TRMT10A: variants seen among roughly 807,000 people sequenced by gnomAD.
TRMT10A encodes tRNA methyltransferase 10 homolog A.
Under a neutral mutation model 40.4 loss-of-function variants are expected in TRMT10A, and 37 were observed. The ratio of observed to expected loss-of-function variants is 0.92; its 90% CI spans 0.71 to 1.21. The LOEUF is 1.21. Among genes scored for constraint, TRMT10A ranks in the 50% most tolerant of loss-of-function variants. The pLI is 0.00. For synonymous variants in TRMT10A, 103 were observed against 134.1 expected (o/e 0.77, Z 1.60); for missense variants, 388 against 404.3 (o/e 0.96, Z 0.35).
At chr4:99,553,979 T>A in intron 5 of TRMT10A, 45 bp from the exon 6 acceptor site, 1 of 1,570,496 alleles carries the variant, frequency 6.4e-7, no homozygotes. Flanking sequence ...TAAGACCTTA[T>A]GAAAGTTGGC....
rs1723827180 is a variant in TRMT10A at position 99,548,526 on chromosome 4, T to G, written c.*562A>C. ...AGGCATCATAAAGAAGGAACAGATA[T>G]GCGCTCCATAGTCCAAAAGAAATGA... On this transcript the variant is annotated 3_prime_UTR_variant, in exon 8 of 8. Coordinates refer to ENST00000394876, the MANE Select transcript of TRMT10A (RefSeq NM_001134665.3). 6.6e-6 allele frequency: 1 copy of G among 152,180 alleles called. No homozygotes were observed. The allele number at this position is 152,180 out of a possible 1,614,324, so 9.4% of individuals were successfully genotyped here.
chr4:99,549,427 T>A (rs1234882301), intron 7 of TRMT10A, 71 bp from the exon 8 acceptor site: 70 of 1,543,750 alleles, frequency 4.5e-5, no homozygotes, highest in Non-Finnish European at 6.1e-5. Flanking sequence ...TCTTTTAAAA[T>A]ACATTGCCTT....
chr4:99,552,454 C>A (rs998305134), intron 6 of TRMT10A, among the ~76,000 whole-genome samples: 3 of 152,128 alleles, frequency 2.0e-5, no homozygotes, highest in African/African-American at 7.2e-5. Context: ...ATAGGCTATG[C>A]CATACAGCCT....
intron 7 of TRMT10A, 106 bp from the exon 8 acceptor site, chr4:99,549,462 T>C: frequency 2.9e-6 from 4 of 1,398,088 alleles, no homozygotes; most frequent in South Asian, 2.7e-5. Flanking sequence ...TAGTTTGTCC[T>C]AATAACTACT....
rs544731788 is a variant in TRMT10A, at chr4:99,554,338, G to A, written c.496-404C>T. Among the ~76,000 whole-genome samples, 38 of 152,184 alleles carry A rather than the reference G, an allele frequency of 2.5e-4. No individual in the cohort carries two copies. The East Asian group carries it at 5.0e-3, about 20-fold the overall frequency. ...TTATTTCTGTTCCAACAAAACAAAC[G>A]CATTTTTACTGCCACATATTTGCTC... On this transcript the variant is annotated intron_variant, in intron 5 of 7. Coordinates refer to ENST00000394876, the MANE Select transcript of TRMT10A (RefSeq NM_001134665.3).
At chr4:99,550,062 C>T (rs534018261) in intron 7 of TRMT10A, among the ~76,000 whole-genome samples, 2 of 151,522 alleles carry the variant, frequency 1.3e-5, no homozygotes, top group Non-Finnish European at 2.9e-5. Context: ...AGGCAAAGAC[C>T]GGTACAAGGA....
At chr4:99,559,104 A>G in intron 2 of TRMT10A, 50 bp downstream of exon 2, 2 of 1,518,748 alleles carry the variant, frequency 1.3e-6, no homozygotes, top group Non-Finnish European at 1.8e-6. Flanking sequence ...AAGGTTTAAC[A>G]TTGCATATCT....
chr4:99,553,650 T>TACTA (rs2110186419), intron 6 of TRMT10A, 135 bp downstream of exon 6: 1 of 783,722 alleles, frequency 1.3e-6, no homozygotes, highest in African/African-American at 1.7e-5. Context: ...ATACTTTGCT[T>TACTA]AGCTCAGAAG....
Position 99,557,104 on chromosome 4 carries a change from C to T in TRMT10A, c.420+241G>A, listed in dbSNP as rs111618380. Among the ~76,000 whole-genome samples, 1,021 of 152,240 alleles carry T rather than the reference C, an allele frequency of 6.7e-3. 7 individuals carry two copies. Among genetic ancestry groups the T allele is most frequent in the Middle Eastern group, 0.01 (3 of 294 alleles). On this transcript the variant is annotated intron_variant, in intron 4 of 7. Transcript: ENST00000394876. ...TGTCCCACAATGAAGATATCAACTA[C>T]AGGCAATGAAAAGGCCAATTTGTAT...
intron 3 of TRMT10A, 122 bp downstream of exon 3, chr4:99,557,927 G>T: frequency 2.0e-6 from 2 of 986,760 alleles, no homozygotes; most frequent in African/African-American, 1.7e-5. Flanking sequence ...TTAGGGGAAA[G>T]TTTGAAAAAC....
intron 5 of TRMT10A, 97 bp downstream of exon 5, chr4:99,556,049 T>G (rs1233604810): frequency 1.2e-5 from 13 of 1,074,598 alleles, no homozygotes; most frequent in Admixed American, 2.5e-5. Flanking sequence ...GAGATTGTTG[T>G]ATTAAGTAGC....
chr4:99,549,373 T>C lies in TRMT10A; in HGVS notation c.752-17A>G, dbSNP rs1723876377. 1 of 1,609,650 alleles carries C rather than the reference T, an allele frequency of 6.2e-7. No individual in the cohort carries two copies. The highest frequency in any genetic ancestry group is 8.5e-7 in the Non-Finnish European group (1 of 1,176,810). ...TTTCAAACACTGCAATAAAGACATA[T>C]TCCGTACATTTCTTAGCCAAGTTCA... On this transcript the variant is annotated splice_polypyrimidine_tract_variant and intron_variant, in intron 7 of 7. Transcript: ENST00000394876.
In TRMT10A at chr4:99,557,867, T is replaced by C. The variant is rs912420876; in HGVS notation, c.348+182A>G. On this transcript the variant is annotated intron_variant, in intron 3 of 7. Transcript: ENST00000394876. Reference sequence around the variant, plus strand: ...ACTGACACACACACATACACACATATATAAATACACATATTTATTATATCA... The same window carrying C: ...ACTGACACACACACATACACACATACATAAATACACATATTTATTATATCA... 6.9e-6 allele frequency: 4 copies of C among 578,506 alleles called. No individual in the cohort carries two copies. In the African/African-American group the frequency reaches 7.7e-5, roughly 11 times the overall value. 35.8% of individuals were successfully genotyped at this position (578,506 alleles called of 1,614,324 possible).
chr4:99,552,518 A>C (rs975870427), intron 6 of TRMT10A, among the ~76,000 whole-genome samples: 2 of 152,168 alleles, frequency 1.3e-5, no homozygotes, highest in East Asian at 3.8e-4. Flanking sequence ...TATAATATTG[A>C]TATCGCTAAA....
intron 2 of TRMT10A, 74 bp downstream of exon 2, chr4:99,559,080 C>A: frequency 7.3e-7 from 1 of 1,363,954 alleles, no homozygotes; most frequent in South Asian, 1.8e-5. Flanking sequence ...ATTTAATATG[C>A]CAAAGGGCTA....
In TRMT10A at chr4:99,553,775, T is replaced by G; in HGVS notation, c.645+10A>C. The G allele has an allele frequency of 6.3e-7, 1 of 1,580,742 alleles. No homozygotes were observed. The highest frequency in any genetic ancestry group is 8.6e-7 in the Non-Finnish European group (1 of 1,169,364). On this transcript the variant is annotated intron_variant, in intron 6 of 7. Coordinates refer to ENST00000394876, the MANE Select transcript of TRMT10A (RefSeq NM_001134665.3). The stretch of plus-strand genomic sequence containing the variant: ...AACAAGCAAAAGCAAAAATAAAAAT[T>G]TAATAGTACCTTGTGATGGTTGTGA...
At position 99,549,034 on chromosome 4, in the gene TRMT10A, T is replaced by C; in HGVS notation, c.*54A>G. The C allele has an allele frequency of 6.3e-7, 1 of 1,578,278 alleles. No homozygotes were observed. The highest frequency in any genetic ancestry group is 1.1e-5 in the South Asian group (1 of 87,030). Reference sequence around the variant, plus strand: ...GTTCTTCCAATTTCAATATTCTATATAGCACCTCACTTTCTCCTAATTTTT... The same window carrying C: ...GTTCTTCCAATTTCAATATTCTATACAGCACCTCACTTTCTCCTAATTTTT... On this transcript the variant is annotated 3_prime_UTR_variant, in exon 8 of 8. Transcript: ENST00000394876.
intron 6 of TRMT10A, among the ~76,000 whole-genome samples, chr4:99,553,535 G>A (rs1253424110): frequency 6.6e-6 from 1 of 152,156 alleles, no homozygotes; most frequent in Non-Finnish European, 1.5e-5. Flanking sequence ...GTTGATTTTA[G>A]ACTTAATTTC....
At chr4:99,556,487 A>C (rs1193290374) in intron 4 of TRMT10A, among the ~76,000 whole-genome samples, 3 of 152,108 alleles carry the variant, frequency 2.0e-5, no homozygotes, top group Non-Finnish European at 4.4e-5. Flanking sequence ...CCTGTACCTT[A>C]ATCATCACTT....
Sources: gnomAD v4.1 joint callset for allele counts (sites outside exome capture counted in the v4.1 genomes callset) on GRCh38, gnomAD v4.1.1 for gene constraint, MANE v1.5 for transcripts, NCBI Gene and HGNC (gene_info 2026-07-23, HGNC 2026-07-21) for gene names.